PCDHGA1: variants seen among roughly 807,000 people sequenced by gnomAD.
PCDHGA1 encodes protocadherin gamma-A1.
A neutral mutation model predicts 58.0 loss-of-function variants in PCDHGA1; 32 were observed. The observed-to-expected ratio is 0.55, with a 90% confidence interval of 0.42 to 0.74. PCDHGA1 has a LOEUF of 0.74. Ranked by LOEUF, PCDHGA1 falls within the 30% of genes least tolerant of loss-of-function variation. PCDHGA1 has a pLI of 0.00. For synonymous variants in PCDHGA1, 498 were observed against 501.1 expected (o/e 0.99, Z 0.08); for missense variants, 1,205 against 1,182.3 (o/e 1.02, Z -0.28).
intron 1 of PCDHGA1, among the ~76,000 whole-genome samples, chr5:141,337,070 A>G (rs1429167798): frequency 6.6e-6 from 1 of 151,906 alleles, no homozygotes. Flanking sequence ...AATCAAAACC[A>G]TAATGAGATA....
intron 1 of PCDHGA1, chr5:141,379,535 GGAAA>G (rs1209928987): frequency 6.6e-6 from 1 of 152,098 alleles, no homozygotes; most frequent in Non-Finnish European, 1.5e-5. Flanking sequence ...GTTGTTATAG[GGAAA>G]GCTCACTAAC....
intron 1 of PCDHGA1, chr5:141,423,658 CA>C: frequency 6.4e-7 from 1 of 1,571,150 alleles, no homozygotes; most frequent in Non-Finnish European, 8.6e-7. Flanking sequence ...GACAAGTAAT[CA>C]GGTGAGATTT....
chr5:141,452,378 T>C (rs1227738942), intron 1 of PCDHGA1, among the ~76,000 whole-genome samples: 1 of 152,226 alleles, frequency 6.6e-6, no homozygotes, highest in African/African-American at 2.4e-5. Context: ...TAGTAGGGAA[T>C]AGTATTTAGA....
At chr5:141,376,499 C>G (rs1320027285) in intron 1 of PCDHGA1, 3 of 1,614,146 alleles carry the variant, frequency 1.9e-6, no homozygotes, top group Admixed American at 1.7e-5. Flanking sequence ...AGAACCCAGG[C>G]AACTTCAGGT....
chr5:141,339,248 G>A (rs779396801), intron 1 of PCDHGA1: 47 of 1,614,276 alleles, frequency 2.9e-5, no homozygotes, highest in Non-Finnish European at 4.0e-5. Context: ...GATAGACCGG[G>A]AGGAGCTCTG....
At chr5:141,372,507 C>T (rs1393188281) in intron 1 of PCDHGA1, 2 of 1,614,044 alleles carry the variant, frequency 1.2e-6, no homozygotes, top group Admixed American at 3.3e-5. Context: ...GCTCTTCCTC[C>T]TCGCGGTGAT....
intron 1 of PCDHGA1, chr5:141,430,838 G>A (rs866767896): frequency 2.6e-6 from 4 of 1,562,908 alleles, no homozygotes; most frequent in Non-Finnish European, 3.5e-6. Context: ...GTGGGAGACC[G>A]GATGCACCCA....
At chr5:141,351,989 G>A (rs761825346) in intron 1 of PCDHGA1, 1 of 1,611,288 alleles carries the variant, frequency 6.2e-7, no homozygotes, top group Admixed American at 1.7e-5. Context: ...GGTGCCACGC[G>A]CCGCAGAGCC....
Position 141,421,056 on chromosome 5 carries a change from A to G in PCDHGA1, c.2422-73751A>G, listed in dbSNP as rs1378326708. On this transcript the variant is annotated intron_variant, in intron 1 of 3. Coordinates refer to ENST00000517417, the MANE Select transcript of PCDHGA1 (RefSeq NM_018912.3). ...TCCCTCCCTCCCCCGCCTCTACCACACAAAGCGGAATGAGATGGATACTCA... is the reference window on the plus strand; with the variant it reads ...TCCCTCCCTCCCCCGCCTCTACCACGCAAAGCGGAATGAGATGGATACTCA... 5 of 576,490 alleles carry G rather than the reference A, an allele frequency of 8.7e-6. No individual in the cohort carries two copies. In the East Asian group the frequency reaches 9.2e-5, roughly 11 times the overall value. The allele number at this position is 576,490 out of a possible 1,614,324, so 35.7% of individuals were successfully genotyped here. A position where few individuals can be genotyped will look rare whatever the true frequency, so the allele number is the denominator to read the frequency against.
At chr5:141,457,280 A>G (rs964027392) in intron 1 of PCDHGA1, among the ~76,000 whole-genome samples, 2 of 152,196 alleles carry the variant, frequency 1.3e-5, no homozygotes, top group Admixed American at 1.3e-4. Context: ...TGGGCCTACG[A>G]AGTTCCTTGG....
At chr5:141,410,804 T>A in intron 1 of PCDHGA1, 1 of 674,100 alleles carries the variant, frequency 1.5e-6, no homozygotes, top group Non-Finnish European at 2.3e-6. Flanking sequence ...TTGCTCTATC[T>A]TTTTGTAAAA....
At chr5:141,347,151 C>CTTTCTTTCTTTCTTTT (rs1280751776) in intron 1 of PCDHGA1, among the ~76,000 whole-genome samples, 35 of 131,272 alleles carry the variant, frequency 2.7e-4, no homozygotes, top group Admixed American at 2.4e-3. Flanking sequence ...TTCTTTCTTT[C>CTTTCTTTCTTTCTTTT]TTTCTTTCTT....
At position 141,413,207 on chromosome 5, in the gene PCDHGA1, C is replaced by T. The variant is rs563279284; in HGVS notation, c.2421+80102C>T. The T allele has an allele frequency of 4.7e-5, 76 of 1,612,874 alleles. 2 individuals carry two copies. The South Asian group carries it at 7.6e-4, about 16-fold the overall frequency. ...GCTCAAAGGAATCGCTCAAAGGAAT[C>T]AAAGGATTGCAGCGGGCTGGTCCTG... On this transcript the variant is annotated intron_variant, in intron 1 of 3. Coordinates refer to ENST00000517417, the MANE Select transcript of PCDHGA1 (RefSeq NM_018912.3).
At chr5:141,374,501 G>A (rs746410507) in intron 1 of PCDHGA1, 2 of 1,611,510 alleles carry the variant, frequency 1.2e-6, no homozygotes, top group Non-Finnish European at 1.7e-6. Context: ...AGAATTGGAA[G>A]TGAAAATTCT....
chr5:141,355,695 C>G (rs1485477328), intron 1 of PCDHGA1: 1 of 1,614,008 alleles, frequency 6.2e-7, no homozygotes, highest in Non-Finnish European at 8.5e-7. Flanking sequence ...TAGGTGTAAA[C>G]TCCCTGCAGG....
At chr5:141,373,472 A>G (rs1012142467) in intron 1 of PCDHGA1, among the ~76,000 whole-genome samples, 1 of 152,230 alleles carries the variant, frequency 6.6e-6, no homozygotes, top group African/African-American at 2.4e-5. Context: ...GCAATGAGCT[A>G]TAATTGTGCC....
At chr5:141,468,077 C>T (rs180732917) in intron 1 of PCDHGA1, among the ~76,000 whole-genome samples, 1 of 152,152 alleles carries the variant, frequency 6.6e-6, no homozygotes, top group East Asian at 1.9e-4. Flanking sequence ...GTAATCCCAG[C>T]ACTTTGGGAG....
intron 1 of PCDHGA1, among the ~76,000 whole-genome samples, chr5:141,466,121 CA>C (rs908379481): frequency 4.8e-5 from 7 of 146,852 alleles, no homozygotes; most frequent in Non-Finnish European, 6.0e-5. Context: ...GACTCCAGCT[CA>C]AAAAAAAAAT....
At chr5:141,344,645 A>G in intron 1 of PCDHGA1, 1 of 1,613,978 alleles carries the variant, frequency 6.2e-7, no homozygotes, top group Non-Finnish European at 8.5e-7. Context: ...ACCGTGAGAA[A>G]AAAGAAATTC....
Sources: allele counts gnomAD v4.1 joint callset (sites outside exome capture counted in the v4.1 genomes callset), GRCh38; gene constraint gnomAD v4.1.1; transcripts MANE v1.5; gene names NCBI Gene and HGNC (gene_info 2026-07-23, HGNC 2026-07-21).